The following PLXNA1 variants were observed in gnomAD, a reference collection of about 807,000 sequenced individuals.
PLXNA1 encodes plexin-A1.
Under a neutral mutation model 191.7 loss-of-function variants are expected in PLXNA1, and 77 were observed. The observed-to-expected ratio is 0.40, with a 90% CI of 0.33 to 0.49. The LOEUF is 0.49. PLXNA1 is among the 20% of genes least tolerant of loss of function. The pLI is 0.63. For missense variants in PLXNA1, 2,110 were observed against 2,660.2 expected (o/e 0.79, Z 4.55); for synonymous variants, 1,137 against 1,156.4 (o/e 0.98, Z 0.34).
At chr3:127,004,478 T>G in intron 4 of PLXNA1, 133 bp from the exon 5 acceptor site, 1 of 693,934 alleles carries the variant, frequency 1.4e-6, no homozygotes, top group East Asian at 2.7e-5. Context: ...TCACCAGATC[T>G]GCCTTTGAAT....
At chr3:127,002,161 C>T (rs554063672) in intron 3 of PLXNA1, among the ~76,000 whole-genome samples, 2 of 152,348 alleles carry the variant, frequency 1.3e-5, no homozygotes, top group African/African-American at 4.8e-5. Context: ...TCCCAGAGGC[C>T]GTGGGCCATG....
At chr3:127,007,720 G>T (rs1043906489) in intron 8 of PLXNA1, 79 bp from the exon 9 acceptor site, 3 of 836,720 alleles carry the variant, frequency 3.6e-6, no homozygotes, top group East Asian at 2.6e-5. Flanking sequence ...CAGCAGGGGC[G>T]GCACAGTGTC....
At chr3:127,020,705 G>A (rs181701104) in intron 21 of PLXNA1, among the ~76,000 whole-genome samples, 2 of 152,368 alleles carry the variant, frequency 1.3e-5, no homozygotes, top group Non-Finnish European at 2.9e-5. Context: ...GCACCTCCCC[G>A]GTGGCTGCCC....
rs1244350003 is a variant in PLXNA1, at chr3:127,014,196, T to C, written c.2425T>C (p.Cys809Arg). ...CCTCCCCACAGCGCACCTCTACAAG[T>C]GCCCGGCCCTGCGCGAGAGCTGCGG... ...PQNIQAHLYK[C>R]PALRESCGLC... The change falls in exon 12 of 32, where the codon TGC (cysteine) becomes CGC (arginine). Residue 809 changes from cysteine to arginine, a missense_variant. Transcript: ENST00000393409. 1 of 1,609,242 alleles carries C rather than the reference T, an allele frequency of 6.2e-7. No individual in the cohort carries two copies.
At chr3:127,007,735 T>A in intron 8 of PLXNA1, 64 bp from the exon 9 acceptor site, 2 of 1,006,214 alleles carry the variant, frequency 2.0e-6, no homozygotes, top group Non-Finnish European at 3.1e-6. Context: ...AGTGTCCTTC[T>A]GATCATGGGT....
rs772292561 is a variant in PLXNA1 at position 126,988,693 on chromosome 3, G to C, written c.100G>C (p.Gly34Arg). The C allele has an allele frequency of 2.8e-5, 44 of 1,574,904 alleles. No homozygotes were observed. Among genetic ancestry groups the C allele is most frequent in the Non-Finnish European group, 3.3e-5 (38 of 1,158,748 alleles). Residue 34 changes from glycine (G) to arginine (R), a missense_variant, in exon 2 of 32, where the codon GGC becomes CGC. By Grantham distance (125) the Gly-to-Arg change is moderately radical. Around this residue, in one of 4 missense-constraint regions of PLXNA1, gnomAD observed 903 missense variants for 1,015.7 expected, o/e 0.89. Transcript: ENST00000393409. ...MWAEAGLPRAGGGSQPPFRTF... is the reference protein window; with the variant it reads ...MWAEAGLPRARGGSQPPFRTF... ...GGCTGAGGCAGGCTTGCCCAGGGCA[G>C]GCGGGGGTTCACAGCCCCCCTTCCG...
chr3:127,027,867 T>A, intron 23 of PLXNA1, 73 bp from the exon 24 acceptor site: 2 of 1,595,020 alleles, frequency 1.3e-6, no homozygotes, highest in Non-Finnish European at 1.7e-6. Flanking sequence ...TGGCTGGCAC[T>A]CGACGGGTGG....
At chr3:127,030,170 T>C in intron 28 of PLXNA1, 73 bp from the exon 29 acceptor site, 1 of 1,591,316 alleles carries the variant, frequency 6.3e-7, no homozygotes, top group Non-Finnish European at 8.6e-7. Flanking sequence ...CATGGCCACT[T>C]GCCTAGTCAC....
intron 3 of PLXNA1, among the ~76,000 whole-genome samples, chr3:127,002,744 G>A (rs950386238): frequency 6.6e-6 from 1 of 152,232 alleles, no homozygotes; most frequent in East Asian, 1.9e-4. Flanking sequence ...CGTGAGCTGC[G>A]GAGAAGAGCT....
Position 127,004,851 on chromosome 3 carries a change from C to A in PLXNA1, c.1620-34C>A, listed in dbSNP as rs767995133. On this transcript the variant is annotated intron_variant, in intron 5 of 31. Transcript: ENST00000393409. ...CTGGCAGGCGGGCCCCGTAGGTCTC[C>A]CCATCCGCCCAGCCTCAACCCCTCT... 7.7e-6 allele frequency: 12 copies of A among 1,564,422 alleles called. No individual in the cohort carries two copies. The South Asian group carries it at 1.4e-4, about 19-fold the overall frequency.
chr3:127,002,378 A>G (rs746940301), intron 3 of PLXNA1, among the ~76,000 whole-genome samples: 79 of 152,294 alleles, frequency 5.2e-4, no homozygotes, highest in Non-Finnish European at 1.0e-3. Flanking sequence ...ACAGCGCCCC[A>G]CCCTGGCTGG....
rs199693063 is a variant in PLXNA1 at position 127,003,384 on chromosome 3, G to A, written c.1432G>A (p.Val478Ile). 568 of 1,612,028 alleles carry A rather than the reference G, an allele frequency of 3.5e-4. 2 individuals are homozygous for A. In the South Asian group the frequency reaches 4.9e-3, roughly 14 times the overall value. The change falls in exon 4 of 32, where the codon GTC becomes ATC. Residue 478 changes from valine to isoleucine, a missense_variant. Val to Ile is a conservative substitution (Grantham distance 29). Around this residue, in one of 4 missense-constraint regions of PLXNA1, gnomAD observed 903 missense variants for 1,015.7 expected, o/e 0.89. Coordinates refer to ENST00000393409, the MANE Select transcript of PLXNA1 (RefSeq NM_032242.4). ...GGRPALAYES[V>I]VAQEGSPILR... ...CCGGCCTGCCCTGGCCTACGAGAGC[G>A]TCGTGGCCCAGGAGGGCAGCCCCAT...
chr3:127,004,946 C>T lies in PLXNA1; in HGVS notation c.1681C>T (p.Leu561=), dbSNP rs772962230. 6.2e-7 allele frequency: 1 copy of T among 1,610,194 alleles called. No individual in the cohort carries two copies. The highest frequency in any genetic ancestry group is 8.5e-7 in the Non-Finnish European group (1 of 1,177,936). Residue 561 remains leucine, a synonymous_variant, in exon 6 of 32, where the codon CTG becomes TTG. Transcript: ENST00000393409. ...DEPQRFAADL[L]QCVQLTVQPR... ...GCCCCAGCGCTTTGCTGCGGACCTG[C>T]TGCAGTGTGTGCAGCTGACTGTGCA...
intron 3 of PLXNA1, 58 bp downstream of exon 3, chr3:126,991,624 G>A (rs1450045625): frequency 8.8e-6 from 13 of 1,479,402 alleles, no homozygotes; most frequent in East Asian, 7.1e-5. Flanking sequence ...AAAGGCTTGC[G>A]GCCGTCCCAG....
Position 127,005,332 on chromosome 3 carries a change from A to G in PLXNA1, c.1897+89A>G. ...CGCCTGTTTAGCGCCTCCCTTGTTC[A>G]GTTCCAAGGGCATGTTGGTGACACT... On this transcript the variant is annotated intron_variant, in intron 7 of 31. Transcript: ENST00000393409. 2.8e-6 allele frequency: 4 copies of G among 1,440,762 alleles called. No individual in the cohort carries two copies. The East Asian group carries it at 9.9e-5, about 36-fold the overall frequency. The allele number at this position is 1,440,762 out of a possible 1,614,324, so 89.2% of individuals were successfully genotyped here.
rs776311850 is a variant in PLXNA1, at chr3:127,016,928, C to G, written c.3183-16C>G. The G allele has an allele frequency of 2.5e-6, 4 of 1,607,216 alleles. No individual in the cohort carries two copies. Among genetic ancestry groups the G allele is most frequent in the Non-Finnish European group, 3.4e-6 (4 of 1,175,566 alleles). On this transcript the variant is annotated splice_polypyrimidine_tract_variant and intron_variant, in intron 16 of 31. Transcript: ENST00000393409. ...CAGCATCATTTGGTGACCCCCCCAC[C>G]CCTGTCCTGTTCCAGCGGTGGGACC...
rs765026404 is a variant in PLXNA1, at chr3:127,033,916, C to T, written c.5596-6C>T. ...CGGCATGCTGACAGTTCTCCTGGCC[C>T]TGCAGATCCTGGCAGCCCTGGAGAA... is the stretch of plus-strand genomic sequence containing the variant. On this transcript the variant is annotated splice_polypyrimidine_tract_variant and splice_region_variant and intron_variant, in intron 31 of 31. Coordinates refer to ENST00000393409, the MANE Select transcript of PLXNA1 (RefSeq NM_032242.4). 2 of 1,591,672 alleles carry T rather than the reference C, an allele frequency of 1.3e-6. No individual in the cohort carries two copies. Among genetic ancestry groups the T allele is most frequent in the South Asian group, 2.3e-5 (2 of 86,890 alleles).
At chr3:127,021,395 G>T (rs1223750776) in intron 21 of PLXNA1, among the ~76,000 whole-genome samples, 1 of 152,180 alleles carries the variant, frequency 6.6e-6, no homozygotes, top group African/African-American at 2.4e-5. Context: ...ATCACTGGTG[G>T]CCTCTGGGCT....
intron 27 of PLXNA1, 131 bp from the exon 28 acceptor site, chr3:127,029,743 G>A (rs2079197222): frequency 8.6e-7 from 1 of 1,168,258 alleles, no homozygotes; most frequent in Non-Finnish European, 1.2e-6. Context: ...TGCCACCTCT[G>A]TGGTGTCATC....
Sources: allele counts gnomAD v4.1 joint callset (sites outside exome capture counted in the v4.1 genomes callset), GRCh38; gene constraint gnomAD v4.1.1; regional missense constraint gnomAD v4.1.1; transcripts MANE v1.5; gene names NCBI Gene and HGNC (gene_info 2026-07-23, HGNC 2026-07-21).